The following PKD1L3 variants were observed in gnomAD, a reference collection of about 807,000 sequenced individuals.
PKD1L3 encodes the protein polycystin 1 like 3, transient receptor potential channel interacting.
A neutral mutation model predicts 184.1 loss-of-function variants in PKD1L3; 239 were observed. That is an observed-to-expected ratio of 1.30 (90% CI 1.17 to 1.45). PKD1L3 has a LOEUF of 1.45. PKD1L3 is among the 40% of genes most tolerant of loss of function. PKD1L3 has a pLI of 0.00. For synonymous variants in PKD1L3, 996 were observed against 778.8 expected (o/e 1.28, Z -4.64); for missense variants, 2,660 against 2,067.2 (o/e 1.29, Z -5.56).
At chr16:71,971,016 T>C (rs980844672) in intron 12 of PKD1L3, among the ~76,000 whole-genome samples, 6 of 152,198 alleles carry the variant, frequency 3.9e-5, no homozygotes, top group Non-Finnish European at 8.8e-5. Flanking sequence ...CATGAGGCGA[T>C]TGTCTTGTTC....
Position 71,984,068 on chromosome 16 carries a change from C to T in PKD1L3, c.934G>A (p.Ala312Thr), listed in dbSNP as rs368094835. The change falls in exon 6 of 30, where the codon GCC (alanine) becomes ACC (threonine). Residue 312 changes from alanine to threonine, a missense_variant. Transcript: ENST00000620267. ...GGCTTAGAAAATCTTGGGGTTAAGG[C>T]TGTTAGTTTCTGGAGGAACTCACAA... ...EACEFLQKLT[A>T]LTPRFSKPAQ... 9.0e-6 allele frequency: 14 copies of T among 1,552,168 alleles called. No individual in the cohort carries two copies. Among genetic ancestry groups the T allele is most frequent in the South Asian group, 1.2e-5 (1 of 84,066 alleles).
rs775908561 is a variant in PKD1L3, at chr16:71,986,262, T to C, written c.793A>G (p.Thr265Ala). Residue 265 changes from threonine (T) to alanine (A), a missense_variant, in exon 5 of 30, where the codon ACC (threonine) becomes GCC (alanine). Coordinates refer to ENST00000620267, the MANE Select transcript of PKD1L3 (RefSeq NM_181536.2). ...PKEEGHPNTF[T>A]SYLQVSLQKA... ...TGCAATGACACTTGTAGATAAGAGG[T>C]GAAGGTATTCGGATGACCTTCTTCC... The C allele has an allele frequency of 6.4e-7, 1 of 1,552,284 alleles. No individual in the cohort carries two copies. The highest frequency in any genetic ancestry group is 1.2e-5 in the South Asian group (1 of 84,054).
At chr16:71,933,862 G>T in intron 27 of PKD1L3, 53 bp downstream of exon 27, 1 of 1,527,250 alleles carries the variant, frequency 6.5e-7, no homozygotes, top group Non-Finnish European at 8.9e-7. Context: ...GAAGCGATGC[G>T]ATTCCAAGAC....
chr16:71,993,425 A>C, intron 2 of PKD1L3, 93 bp from the exon 3 acceptor site: 1 of 716,056 alleles, frequency 1.4e-6, no homozygotes, highest in Non-Finnish European at 2.1e-6. Flanking sequence ...TGTGATAATC[A>C]GGAAAACACA....
intron 24 of PKD1L3, among the ~76,000 whole-genome samples, chr16:71,942,325 TC>T (rs1213262221): frequency 6.6e-6 from 1 of 152,034 alleles, no homozygotes; most frequent in Non-Finnish European, 1.5e-5. Context: ...AGAGCAAGAC[TC>T]CGTCTCAAAC....
At chr16:71,945,054 ATAAAGT>A (rs1366491110) in intron 22 of PKD1L3, among the ~76,000 whole-genome samples, 2 of 118,012 alleles carry the variant, frequency 1.7e-5, no homozygotes, top group East Asian at 3.1e-4. Flanking sequence ...TTTAGTACAT[ATAAAGT>A]TAATCTGCCA....
In PKD1L3 at chr16:71,950,211, T is replaced by G. The variant is rs910696948; in HGVS notation, c.3290A>C (p.Gln1097Pro). ...GGCTGCATCTAGGAAGTCACAGGAC[T>G]GGTGACCCTGGGTGAGACCCAGCGT... Reference protein sequence around the residue: ...LGTLGLTQGHQSCDFLDAASQ... With the variant: ...LGTLGLTQGHPSCDFLDAASQ... Residue 1097 changes from glutamine (Q) to proline (P), a missense_variant, in exon 20 of 30, where the codon CAG (glutamine) becomes CCG (proline). Physicochemically the swap from Gln to Pro is moderately conservative, Grantham distance 76. Transcript: ENST00000620267. 37 of 1,552,160 alleles carry G rather than the reference T, an allele frequency of 2.4e-5. No individual in the cohort carries two copies. Among genetic ancestry groups the G allele is most frequent in the South Asian group, 9.5e-5 (8 of 84,060 alleles).
intron 2 of PKD1L3, among the ~76,000 whole-genome samples, chr16:71,995,645 G>T (rs2040759487): frequency 6.6e-6 from 1 of 152,140 alleles, no homozygotes; most frequent in South Asian, 2.1e-4. Context: ...CCTCTTGATG[G>T]GCATGTGGAT....
At chr16:71,973,559 C>T (rs761036114) in intron 11 of PKD1L3, 42 bp from the exon 12 acceptor site, 1 of 1,480,804 alleles carries the variant, frequency 6.8e-7, no homozygotes, top group South Asian at 1.2e-5. Flanking sequence ...TCAAATGGAA[C>T]AAAAACACCA....
Position 71,933,989 on chromosome 16 carries a change from G to T in PKD1L3, c.4750C>A (p.Leu1584Met). 6.4e-7 allele frequency: 1 copy of T among 1,551,642 alleles called. No individual in the cohort carries two copies. The change falls in exon 27 of 30, where the codon CTG becomes ATG. Residue 1584 changes from leucine (L) to methionine (M), a missense_variant. By Grantham distance (15) the Leu-to-Met change is conservative. Coordinates refer to ENST00000620267, the MANE Select transcript of PKD1L3 (RefSeq NM_181536.2). Reference sequence around the variant, plus strand: ...ACCACCTCGTCCCAGGCTCGGCTCAGTGTCCTGCTGATGACCCGCAGCCTG... The same window carrying T: ...ACCACCTCGTCCCAGGCTCGGCTCATTGTCCTGCTGATGACCCGCAGCCTG... ...SPRLRVISRT[L>M]SRAWDEVVGF...
chr16:71,963,103 A>G (rs919761934), intron 16 of PKD1L3, 102 bp downstream of exon 16: 6 of 1,242,532 alleles, frequency 4.8e-6, no homozygotes, highest in African/African-American at 1.5e-5. Context: ...GAAATAATAC[A>G]TTAATAAAAT....
chr16:71,954,109 C>T lies in PKD1L3; in HGVS notation c.2805G>A (p.Glu935=), dbSNP rs776783428. ...KINSTTAKRD[E]QMRPFAVAWS... is the part of the protein sequence containing the mutation. ...CACATCAGGGCTCATCCATACTTTG[C>T]TCATCTCTCTTGGCAGTGGTGCTGT... The change falls in exon 17 of 30, where the codon GAG becomes GAA. Residue 935 remains glutamate, a synonymous_variant. Coordinates refer to ENST00000620267, the MANE Select transcript of PKD1L3 (RefSeq NM_181536.2). The T allele has an allele frequency of 6.5e-6, 10 of 1,533,838 alleles. No homozygotes were observed. In the Middle Eastern group the frequency reaches 1.2e-3, roughly 182 times the overall value.
At chr16:71,959,664 T>A (rs1204511834) in intron 16 of PKD1L3, among the ~76,000 whole-genome samples, 1 of 152,074 alleles carries the variant, frequency 6.6e-6, no homozygotes, top group African/African-American at 2.4e-5. Context: ...GAAACGTTAT[T>A]CTTAGAAAAT....
rs752179693 is a variant in PKD1L3 at position 71,952,853 on chromosome 16, G to A, written c.3009+41C>T. 1.1e-4 allele frequency: 160 copies of A among 1,506,562 alleles called. No individual in the cohort carries two copies. The East Asian group carries it at 3.7e-3, about 35-fold the overall frequency. 93.3% of individuals were successfully genotyped at this position (1,506,562 alleles called of 1,614,324 possible). ...ACCCTATGTCAAAACAAACAAGCAG[G>A]CAATAAAATAAGATAAAATAAAATT... On this transcript the variant is annotated intron_variant, in intron 18 of 29. Coordinates refer to ENST00000620267, the MANE Select transcript of PKD1L3 (RefSeq NM_181536.2).
In PKD1L3 at chr16:71,978,350, A is replaced by C; in HGVS notation, c.1432T>G (p.Leu478Val). The change falls in exon 10 of 30, where the codon TTG becomes GTG. Residue 478 changes from leucine to valine, a missense_variant. Coordinates refer to ENST00000620267, the MANE Select transcript of PKD1L3 (RefSeq NM_181536.2). ...CTTCCAACAATGTTTCTGTTGTCCA[A>C]ATCCTTGAAGGGATTGAAAGCTAGT... ...TGLAFNPFKD[L>V]DNRNIVGSIG... 1.3e-6 allele frequency: 2 copies of C among 1,550,524 alleles called. No individual in the cohort carries two copies. Among genetic ancestry groups the C allele is most frequent in the South Asian group, 2.4e-5 (2 of 84,038 alleles).
chr16:71,996,196 G>A (rs765966933), intron 2 of PKD1L3, among the ~76,000 whole-genome samples: 1 of 147,184 alleles, frequency 6.8e-6, no homozygotes, highest in Non-Finnish European at 1.5e-5. Context: ...ATACAGTCAT[G>A]TCAAAATTTT....
intron 24 of PKD1L3, among the ~76,000 whole-genome samples, chr16:71,938,459 A>G (rs983894739): frequency 3.9e-5 from 6 of 152,242 alleles, no homozygotes; most frequent in African/African-American, 1.2e-4. Flanking sequence ...CCTGGGCAGA[A>G]AGGGGCAGGT....
Position 71,982,167 on chromosome 16 carries a change from G to A in PKD1L3, c.1035C>T (p.Asn345=), listed in dbSNP as rs2040186733. ...TTGGAGGAACTTTGAAGCCCAGACTGTTGTTGTTCTGAAATGGGATCCTGA... is the reference window on the plus strand; with the variant it reads ...TTGGAGGAACTTTGAAGCCCAGACTATTGTTGTTCTGAAATGGGATCCTGA... ...ELLRIPFQNN[N]SLGFKVPPTV... Residue 345 remains asparagine (N), a synonymous_variant, in exon 7 of 30, where the codon AAC becomes AAT. Transcript: ENST00000620267. The A allele has an allele frequency of 1.3e-6, 2 of 1,549,474 alleles. No individual in the cohort carries two copies. Among genetic ancestry groups the A allele is most frequent in the East Asian group, 4.9e-5 (2 of 40,816 alleles).
At chr16:71,941,623 C>T (rs1246063300) in intron 24 of PKD1L3, among the ~76,000 whole-genome samples, 1 of 140,662 alleles carries the variant, frequency 7.1e-6, no homozygotes, top group African/African-American at 2.7e-5. Context: ...CTCGCTCTGT[C>T]ACCCAGGCTG....
Sources: allele counts gnomAD v4.1 joint callset (sites outside exome capture counted in the v4.1 genomes callset), GRCh38; gene constraint gnomAD v4.1.1; transcripts MANE v1.5; gene names NCBI Gene and HGNC (gene_info 2026-07-23, HGNC 2026-07-21).